Variants in CNTN5 observed in about 807,000 individuals in gnomAD.
The protein encoded by CNTN5 is contactin-5.
A neutral mutation model predicts 129.1 loss-of-function variants in CNTN5; 77 were observed. That is an observed-to-expected ratio of 0.60 (90% confidence interval 0.50 to 0.72). CNTN5 has a LOEUF of 0.72. Among genes scored for constraint, CNTN5 ranks in the 30% least tolerant of loss-of-function variants. The pLI is 0.00. For synonymous variants in CNTN5, 509 were observed against 465.6 expected (o/e 1.09, Z -1.20); for missense variants, 1,478 against 1,328.8 (o/e 1.11, Z -1.75).
intron 2 of CNTN5, among the ~76,000 whole-genome samples, chr11:99,534,164 T>C (rs1295731707): frequency 6.6e-6 from 1 of 152,230 alleles, no homozygotes; most frequent in East Asian, 1.9e-4. Flanking sequence ...AAATGAGATG[T>C]TGCAATAAAT....
At chr11:99,670,028 T>C (rs1046247129) in intron 3 of CNTN5, among the ~76,000 whole-genome samples, 1 of 152,200 alleles carries the variant, frequency 6.6e-6, no homozygotes, top group African/African-American at 2.4e-5. Context: ...TTATGTGCCA[T>C]GTTGGTGAAA....
chr11:100,094,604 T>C (rs964067499), intron 13 of CNTN5, among the ~76,000 whole-genome samples: 3 of 151,944 alleles, frequency 2.0e-5, no homozygotes, highest in African/African-American at 7.2e-5. Flanking sequence ...CTTTTCTAAT[T>C]GATATTCTTC....
intron 3 of CNTN5, among the ~76,000 whole-genome samples, chr11:99,819,186 A>G (rs532975274): frequency 2.0e-5 from 3 of 150,228 alleles, no homozygotes; most frequent in Non-Finnish European, 4.4e-5. Flanking sequence ...CTGACAAAGT[A>G]TAAAGCTTGG....
intron 13 of CNTN5, among the ~76,000 whole-genome samples, chr11:100,097,999 T>C (rs1165213200): frequency 6.6e-6 from 1 of 152,018 alleles, no homozygotes; most frequent in Non-Finnish European, 1.5e-5. Flanking sequence ...CCTTCATTTG[T>C]TTCGTTGTCA....
chr11:99,769,754 C>T (rs554687307), intron 3 of CNTN5, among the ~76,000 whole-genome samples: 7 of 150,618 alleles, frequency 4.6e-5, no homozygotes, highest in Admixed American at 2.0e-4. Context: ...GCAGAAGTTG[C>T]GCTGAGCTTC....
chr11:100,012,117 G>A (rs1360991547), intron 9 of CNTN5, among the ~76,000 whole-genome samples: 1 of 152,136 alleles, frequency 6.6e-6, no homozygotes, highest in Non-Finnish European at 1.5e-5. Flanking sequence ...CAGTCTCTGG[G>A]TGTTGGAATC....
At chr11:99,085,049 A>G (rs771718544) in intron 1 of CNTN5, among the ~76,000 whole-genome samples, 1 of 146,966 alleles carries the variant, frequency 6.8e-6, no homozygotes, top group Non-Finnish European at 1.5e-5. Context: ...CTAGTAACCA[A>G]TTTTTTTTTT....
intron 1 of CNTN5, among the ~76,000 whole-genome samples, chr11:99,067,351 G>T (rs1218017397): frequency 1.3e-5 from 2 of 150,610 alleles, no homozygotes; most frequent in Non-Finnish European, 2.9e-5. Flanking sequence ...AAACGCTATT[G>T]TTCTCCTAAA....
At chr11:99,425,809 C>G (rs1040368447) in intron 2 of CNTN5, among the ~76,000 whole-genome samples, 1 of 152,226 alleles carries the variant, frequency 6.6e-6, no homozygotes, top group African/African-American at 2.4e-5. Flanking sequence ...TGGTTTCCAC[C>G]TGTTCCTCAC....
chr11:99,273,113 A>G (rs1419166209), intron 1 of CNTN5, among the ~76,000 whole-genome samples: 1 of 151,762 alleles, frequency 6.6e-6, no homozygotes, highest in Non-Finnish European at 1.5e-5. Context: ...TGAGTAAGGA[A>G]AACCACTAAT....
chr11:100,051,247 C>A (rs937170122), intron 9 of CNTN5, among the ~76,000 whole-genome samples: 21 of 152,060 alleles, frequency 1.4e-4, no homozygotes, highest in African/African-American at 4.8e-4. Context: ...ATGTGTTGGG[C>A]CGTAAAACAA....
chr11:100,233,493 T>C (rs952212846), intron 16 of CNTN5, among the ~76,000 whole-genome samples: 16 of 152,332 alleles, frequency 1.1e-4, no homozygotes, highest in African/African-American at 2.6e-4. Context: ...TCTCTAAGGA[T>C]AGGTCTCACA....
intron 19 of CNTN5, 38 bp downstream of exon 19, chr11:100,297,733 G>T (rs1336510214): frequency 2.8e-6 from 4 of 1,439,314 alleles, no homozygotes; most frequent in African/African-American, 1.4e-5. Context: ...TACTCCACGT[G>T]TTTGTTTGGC....
In CNTN5 at chr11:99,627,501, C is replaced by A. The variant is rs995100451; in HGVS notation, c.55+71232C>A. On this transcript the variant is annotated intron_variant, in intron 3 of 24. Transcript: ENST00000524871. Reference sequence around the variant, plus strand: ...GCATTAAAATAGTAAACCTCAGTTCCTGCTACAAGTGAAAATAATTTAAAA... The same window carrying A: ...GCATTAAAATAGTAAACCTCAGTTCATGCTACAAGTGAAAATAATTTAAAA... Among the ~76,000 whole-genome samples the A allele has an allele frequency of 2.1e-3, 316 of 152,136 alleles. 1 individual carries two copies. The highest frequency in any genetic ancestry group is 7.3e-3 in the African/African-American group (304 of 41,476).
At chr11:99,378,732 A>C (rs1940337832) in intron 2 of CNTN5, among the ~76,000 whole-genome samples, 1 of 152,108 alleles carries the variant, frequency 6.6e-6, no homozygotes, top group Non-Finnish European at 1.5e-5. Context: ...GTAGAAAATC[A>C]CTAGGCTAGG....
At chr11:99,140,403 G>A (rs1859452773) in intron 1 of CNTN5, among the ~76,000 whole-genome samples, 1 of 152,014 alleles carries the variant, frequency 6.6e-6, no homozygotes, top group African/African-American at 2.4e-5. Flanking sequence ...TCTAGGTACA[G>A]AATCATATCA....
chr11:99,110,137 A>G (rs1169146368), intron 1 of CNTN5, among the ~76,000 whole-genome samples: 2 of 152,148 alleles, frequency 1.3e-5, no homozygotes, highest in South Asian at 2.1e-4. Context: ...CTCAAAGAGT[A>G]GCATTTTAGT....
At chr11:100,236,781 T>C (rs1949623251) in intron 16 of CNTN5, among the ~76,000 whole-genome samples, 2 of 152,092 alleles carry the variant, frequency 1.3e-5, no homozygotes, top group Non-Finnish European at 2.9e-5. Flanking sequence ...CCTTTCCCTA[T>C]AGTTTCTCTC....
chr11:100,231,545 G>GT (rs1949489318), intron 16 of CNTN5, among the ~76,000 whole-genome samples: 1 of 152,116 alleles, frequency 6.6e-6, no homozygotes, highest in Non-Finnish European at 1.5e-5. Context: ...AGAGTTCCAA[G>GT]TTATACTTAG....
Sources: allele counts gnomAD v4.1 joint callset (sites outside exome capture counted in the v4.1 genomes callset), GRCh38; gene constraint gnomAD v4.1.1; transcripts MANE v1.5; gene names NCBI Gene and HGNC (gene_info 2026-07-23, HGNC 2026-07-21).